Variants in KDM6A observed in about 807,000 individuals in gnomAD.
KDM6A encodes the protein lysine demethylase 6A, also known as lysine-specific demethylase 6A.
Under a neutral mutation model 117.6 loss-of-function variants are expected in KDM6A, and 11 were observed. The ratio of observed to expected loss-of-function variants is 0.09; its 90% confidence interval spans 0.06 to 0.15. The LOEUF is 0.15. KDM6A is among the 10% of genes least tolerant of loss of function. KDM6A has a pLI of 1.00. For synonymous variants in KDM6A, 384 were observed against 396.1 expected, an observed-to-expected ratio of 0.97 and a Z score of 0.36; for missense variants, 799 against 1,077.3, an observed-to-expected ratio of 0.74 and a Z score of 3.62.
At chrX:44,915,596 A>G (rs1250374683) in intron 2 of KDM6A, among the ~76,000 whole-genome samples, 3 of 112,136 alleles carry the variant, frequency 2.7e-5, no homozygotes, top group Non-Finnish European at 5.6e-5. Context: ...GAAAATATTA[A>G]ATGGAAAGTT....
At chrX:44,884,490 A>G (rs1342497577) in intron 2 of KDM6A, among the ~76,000 whole-genome samples, 1 of 111,941 alleles carries the variant, frequency 8.9e-6, no homozygotes, top group African/African-American at 3.2e-5. Flanking sequence ...TCAGAGCCTC[A>G]GTTTTCTTAT....
At chrX:45,037,271 G>GA (rs778656719) in intron 7 of KDM6A, among the ~76,000 whole-genome samples, 163 of 111,374 alleles carry the variant, frequency 1.5e-3, no homozygotes, top group Non-Finnish European at 2.6e-3. Flanking sequence ...TTTGACTTGG[G>GA]ATTCAGTTTT....
At chrX:45,012,196 GATTTT>G (rs2041790819) in intron 5 of KDM6A, among the ~76,000 whole-genome samples, 1 of 82,088 alleles carries the variant, frequency 1.2e-5, no homozygotes, top group African/African-American at 5.0e-5. Flanking sequence ...ACCCAATGTA[GATTTT>G]TTTTTTTTTT....
chrX:44,952,079 G>A (rs778726263), intron 2 of KDM6A, among the ~76,000 whole-genome samples: 27 of 111,789 alleles, frequency 2.4e-4, no homozygotes, highest in Non-Finnish European at 4.3e-4. Flanking sequence ...AGAGTATTTT[G>A]CAATAGCAAA....
At chrX:44,978,922 G>C (rs1226100733) in intron 4 of KDM6A, among the ~76,000 whole-genome samples, 1 of 112,251 alleles carries the variant, frequency 8.9e-6, no homozygotes, top group Non-Finnish European at 1.9e-5. Context: ...TGTATCAGTA[G>C]TATGTTCTTT....
At chrX:45,048,159 CA>C (rs571121737) in intron 8 of KDM6A, among the ~76,000 whole-genome samples, 800 of 34,298 alleles carry the variant, frequency 0.023, 5 homozygotes, top group Middle Eastern at 0.056. Flanking sequence ...AAGTGCGTCT[CA>C]AAAAAAAAAA....
At chrX:44,897,597 C>T (rs544348607) in intron 2 of KDM6A, among the ~76,000 whole-genome samples, 5 of 110,962 alleles carry the variant, frequency 4.5e-5, no homozygotes, top group Non-Finnish European at 9.4e-5. Context: ...GAGACAGGGT[C>T]GTGATCAGTC....
At chrX:44,931,242 C>CT (rs1310492582) in intron 2 of KDM6A, among the ~76,000 whole-genome samples, 2 of 110,338 alleles carry the variant, frequency 1.8e-5, no homozygotes, top group African/African-American at 3.3e-5. Context: ...TTTTTTGTAT[C>CT]TTTTTTTAGT....
intron 5 of KDM6A, among the ~76,000 whole-genome samples, chrX:45,017,605 G>A (rs1414119236): frequency 8.9e-6 from 1 of 111,854 alleles, no homozygotes; most frequent in Non-Finnish European, 1.9e-5. Context: ...TTTAGAAAAG[G>A]AAATGAACTT....
chrX:45,011,010 C>T lies in KDM6A; in HGVS notation c.434C>T (p.Ala145Val). The T allele has an allele frequency of 8.4e-7, 1 of 1,186,975 alleles. No homozygotes were observed. The highest frequency in any genetic ancestry group is 1.1e-6 in the Non-Finnish European group (1 of 873,857). The change falls in exon 5 of 30, where the codon GCA (alanine) becomes GTA (valine). Residue 145 changes from alanine to valine, a missense_variant. Ala to Val is a moderately conservative substitution (Grantham distance 64, BLOSUM62 0). Transcript: ENST00000611820. ...GLGLVYFHYN[A>V]FQWAIKAFQE... ...GGTTTGGTCTACTTCCATTATAATG[C>T]ATTTCAGTGGTAAGTTGACATAAAA...
chrX:44,991,347 T>C (rs956831435), intron 4 of KDM6A, among the ~76,000 whole-genome samples: 25 of 110,157 alleles, frequency 2.3e-4, no homozygotes, highest in Non-Finnish European at 4.2e-4. Context: ...CTTTCTCTCT[T>C]TCTCTTTCTC....
intron 2 of KDM6A, among the ~76,000 whole-genome samples, chrX:44,900,484 A>G (rs2034266115): frequency 8.9e-6 from 1 of 112,167 alleles, no homozygotes; most frequent in South Asian, 3.6e-4. Flanking sequence ...TGTTCTTTTA[A>G]ACTTGTTCCT....
intron 3 of KDM6A, among the ~76,000 whole-genome samples, chrX:44,963,457 G>GTGTGTGTGTT (rs2038803086): frequency 3.5e-5 from 1 of 28,239 alleles, no homozygotes. Context: ...GTGTGTGTGT[G>GTGTGTGTGTT]TGTGTGTGTG....
intron 9 of KDM6A, among the ~76,000 whole-genome samples, chrX:45,053,171 C>T (rs187830007): frequency 7.2e-4 from 80 of 111,621 alleles, no homozygotes; most frequent in African/African-American, 2.5e-3. Context: ...TGGTGGCTCA[C>T]GCCTGTAATC....
chrX:45,082,581 A>G lies in KDM6A; in HGVS notation c.3306A>G (p.Glu1102=). ...GCTTTTTGCTTAATCTATAGGAAGA[A>G]AATGAAAAAAGAAGTCATCATAAAG... The part of the protein sequence containing the change: ...ASSFQESLRE[E]NEKRSHHKDH... The change falls in exon 22 of 30, where the codon GAA becomes GAG. Residue 1102 remains glutamate (E), a synonymous_variant. Transcript: ENST00000611820. 8.4e-7 allele frequency: 1 copy of G among 1,187,095 alleles called. No homozygotes were observed. The highest frequency in any genetic ancestry group is 1.1e-6 in the Non-Finnish European group (1 of 874,398).
intron 10 of KDM6A, among the ~76,000 whole-genome samples, chrX:45,057,752 T>A (rs1324375656): frequency 9.0e-6 from 1 of 111,116 alleles, no homozygotes; most frequent in Non-Finnish European, 1.9e-5. Context: ...TTTTCTCATC[T>A]TCTCTGCCCG....
At chrX:45,054,548 A>G (rs746634648) in intron 10 of KDM6A, among the ~76,000 whole-genome samples, 5 of 112,019 alleles carry the variant, frequency 4.5e-5, no homozygotes, top group African/African-American at 6.5e-5. Context: ...TCTCCATACT[A>G]TTTATCCATT....
rs751271719 is a variant in KDM6A at position 45,005,023 on chromosome X, G to GC, written c.385-5930dup. 4.6e-3 allele frequency among the ~76,000 whole-genome samples: 503 copies of GC among 109,601 alleles called. 2 individuals are homozygous for GC. Among genetic ancestry groups the GC allele is most frequent in the South Asian group, 0.02 (50 of 2,522 alleles). The stretch of plus-strand genomic sequence containing the variant: ...TAAGGGAGCATTTACAAAGCCAGTG[G>GC]CCCCCCCCTCCTTATGGTACCTCTT... On this transcript the variant is annotated intron_variant, in intron 4 of 29. Transcript: ENST00000611820.
intron 23 of KDM6A, among the ~76,000 whole-genome samples, 182 bp from the exon 24 acceptor site, chrX:45,083,278 A>G (rs1054030696): frequency 8.9e-5 from 10 of 111,831 alleles, no homozygotes; most frequent in African/African-American, 1.6e-4. Flanking sequence ...TTTTATGCCT[A>G]TTTTTTGTTG....
Sources: allele counts gnomAD v4.1 joint callset (sites outside exome capture counted in the v4.1 genomes callset), GRCh38; gene constraint gnomAD v4.1.1; transcripts MANE v1.5; gene names NCBI Gene and HGNC (gene_info 2026-07-23, HGNC 2026-07-21).